VWA2: variants seen among roughly 807,000 people sequenced by gnomAD.
The protein encoded by VWA2 is von Willebrand factor A domain-containing protein 2.
VWA2 carries 73 observed loss-of-function variants against 70.4 expected under a neutral mutation model. That is an observed-to-expected ratio of 1.04 (90% CI 0.86 to 1.26). The LOEUF is 1.26. Among genes scored for constraint, VWA2 ranks in the 50% most tolerant of loss-of-function variants. The probability of loss-of-function intolerance (pLI) is 0.00; values close to 1 mark genes in which losing one functional copy is unlikely to be tolerated. For synonymous variants in VWA2, 407 were observed against 423.3 expected, an observed-to-expected ratio of 0.96 and a Z score of 0.47; for missense variants, 1,011 against 998.5, an observed-to-expected ratio of 1.01 and a Z score of -0.17.
chr10:114,274,428 G>C (rs1216383233), intron 6 of VWA2, among the ~76,000 whole-genome samples: 1 of 152,170 alleles, frequency 6.6e-6, no homozygotes, highest in Admixed American at 6.5e-5. Context: ...AAGAGATCAT[G>C]GTGGCTCCTA....
At chr10:114,261,635 T>C (rs944223442) in intron 5 of VWA2, among the ~76,000 whole-genome samples, 1 of 152,212 alleles carries the variant, frequency 6.6e-6, no homozygotes, top group African/African-American at 2.4e-5. Context: ...TTTCTGTCCC[T>C]TGTGACCACT....
intron 11 of VWA2, 39 bp downstream of exon 11, chr10:114,286,550 G>A (rs746102359): frequency 2.0e-6 from 3 of 1,493,822 alleles, no homozygotes; most frequent in Non-Finnish European, 2.7e-6. Flanking sequence ...GCTGGTCAGT[G>A]GGCGGGTCCT....
In VWA2 at chr10:114,259,472, GT is replaced by G. The variant is rs1300436501; in HGVS notation, c.262-1702del. On this transcript the variant is annotated intron_variant, in intron 4 of 13. Coordinates refer to ENST00000392982, the MANE Select transcript of VWA2 (RefSeq NM_001272046.2). ...AGGTATGTTTCGTCCCACAGAAGTTGTTTTTTTTTTTTCATGTGGTCACATT... is the reference window on the plus strand; with the variant it reads ...AGGTATGTTTCGTCCCACAGAAGTTGTTTTTTTTTTTCATGTGGTCACATT... Among the ~76,000 whole-genome samples, 559 of 132,936 alleles carry G rather than the reference GT, an allele frequency of 4.2e-3. 2 individuals are homozygous for G. The highest frequency in any genetic ancestry group is 6.5e-3 in the Non-Finnish European group (396 of 60,706). 87.2% of individuals were successfully genotyped at this position (132,936 alleles called of 152,430 possible).
At chr10:114,276,302 C>T (rs1449639030) in intron 6 of VWA2, among the ~76,000 whole-genome samples, 1 of 152,178 alleles carries the variant, frequency 6.6e-6, no homozygotes, top group South Asian at 2.1e-4. Flanking sequence ...GCAGTATCTT[C>T]GTCACCTGGG....
At chr10:114,255,205 G>A (rs2037298550) in intron 4 of VWA2, among the ~76,000 whole-genome samples, 157 bp downstream of exon 4, 1 of 151,734 alleles carries the variant, frequency 6.6e-6, no homozygotes, top group East Asian at 1.9e-4. Flanking sequence ...CAAGGGCTGA[G>A]TTGAGGCTAT....
Position 114,254,926 on chromosome 10 carries a change from T to A in VWA2, c.139T>A (p.Ser47Thr). The A allele has an allele frequency of 6.2e-7, 1 of 1,613,346 alleles. No individual in the cohort carries two copies. The highest frequency in any genetic ancestry group is 1.1e-5 in the South Asian group (1 of 91,066). Residue 47 changes from serine (S) to threonine (T), a missense_variant, in exon 4 of 14, where the codon TCG becomes ACG. Physicochemically the swap from Ser to Thr is moderately conservative, Grantham distance 58. Coordinates refer to ENST00000392982, the MANE Select transcript of VWA2 (RefSeq NM_001272046.2). ...ISAASKMMWC[S>T]AAVDIMFLLD... ...CCCGCTCTCCCTAGTGATGTGGTGC[T>A]CGGCTGCAGTGGACATCATGTTTCT...
rs2039786692 is a variant in VWA2 at position 114,293,472 on chromosome 10, C to T, written c.*2235C>T. On this transcript the variant is annotated 3_prime_UTR_variant, in exon 14 of 14. Transcript: ENST00000392982. ...CTGTTTCTTTGTAGGAAATGGGTTT[C>T]TCGCCTTTGAAACATTTTTTCCCCT... 6.6e-6 allele frequency among the ~76,000 whole-genome samples: 1 copy of T among 152,162 alleles called. No homozygotes were observed. Among genetic ancestry groups the T allele is most frequent in the Admixed American group, 6.5e-5 (1 of 15,280 alleles).
rs1452696259 is a variant in VWA2 at position 114,260,750 on chromosome 10, A to G, written c.262-436A>G. 2.6e-5 allele frequency among the ~76,000 whole-genome samples: 4 copies of G among 152,222 alleles called. No homozygotes were observed. In the East Asian group the frequency reaches 7.7e-4, roughly 29 times the overall value. ...CTTGGGCCAGAGGTATATATTCTCC[A>G]TATTGGGGTTTCTCCAACCATAATG... On this transcript the variant is annotated intron_variant, in intron 4 of 13. Transcript: ENST00000392982.
At chr10:114,247,907 C>A (rs1402768348) in intron 1 of VWA2, among the ~76,000 whole-genome samples, 1 of 151,966 alleles carries the variant, frequency 6.6e-6, no homozygotes, top group African/African-American at 2.4e-5. Context: ...GTGGCTCCTG[C>A]ATGGGTGGTG....
rs2039702768 is a variant in VWA2 at position 114,292,600 on chromosome 10, A to G, written c.*1363A>G. Reference sequence around the variant, plus strand: ...TGGCAAACTAGATACTTACTTCCCTATCGCTGCAGTATTTAGGAATTACTT... The same window carrying G: ...TGGCAAACTAGATACTTACTTCCCTGTCGCTGCAGTATTTAGGAATTACTT... On this transcript the variant is annotated 3_prime_UTR_variant, in exon 14 of 14. Coordinates refer to ENST00000392982, the MANE Select transcript of VWA2 (RefSeq NM_001272046.2). Among the ~76,000 whole-genome samples, 1 of 150,706 alleles carries G rather than the reference A, an allele frequency of 6.6e-6. No individual in the cohort carries two copies. Among genetic ancestry groups the G allele is most frequent in the Non-Finnish European group, 1.5e-5 (1 of 67,850 alleles).
chr10:114,282,251 A>G (rs975511936), intron 8 of VWA2, among the ~76,000 whole-genome samples: 1 of 151,932 alleles, frequency 6.6e-6, no homozygotes, highest in Non-Finnish European at 1.5e-5. Context: ...TGATTTGCCT[A>G]CCTTGGCCTC....
At chr10:114,245,638 GTCTT>G (rs2037052717) in intron 1 of VWA2, among the ~76,000 whole-genome samples, 1 of 152,182 alleles carries the variant, frequency 6.6e-6, no homozygotes, top group Non-Finnish European at 1.5e-5. Context: ...GGGAAAATGA[GTCTT>G]TCTTGCTGGC....
chr10:114,242,926 A>T (rs1295055889), intron 1 of VWA2, among the ~76,000 whole-genome samples: 1 of 152,160 alleles, frequency 6.6e-6, no homozygotes, highest in Non-Finnish European at 1.5e-5. Context: ...TATGAAACAG[A>T]TTCTCCCCAT....
intron 4 of VWA2, among the ~76,000 whole-genome samples, chr10:114,260,692 T>C (rs986662165): frequency 2.6e-5 from 4 of 152,208 alleles, no homozygotes; most frequent in African/African-American, 9.7e-5. Flanking sequence ...CCTGGCTGCC[T>C]TTCTTACTAG....
intron 4 of VWA2, among the ~76,000 whole-genome samples, chr10:114,256,487 C>T (rs1444635680): frequency 1.3e-5 from 2 of 151,968 alleles, no homozygotes; most frequent in Non-Finnish European, 2.9e-5. Flanking sequence ...AGGCTGAGGA[C>T]AGTGGTTTTC....
At chr10:114,278,171 G>C (rs1396309505) in intron 7 of VWA2, 124 bp downstream of exon 7, 1 of 1,355,810 alleles carries the variant, frequency 7.4e-7, no homozygotes, top group East Asian at 2.5e-5. Context: ...AACAGAGACC[G>C]GCAGCCTCCA....
rs1478800010 is a variant in VWA2, at chr10:114,239,384, T to C, written c.-196T>C. The C allele has an allele frequency of 6.6e-6, 1 of 152,224 alleles. No individual in the cohort carries two copies. Among genetic ancestry groups the C allele is most frequent in the Non-Finnish European group, 1.5e-5 (1 of 68,046 alleles). The allele number at this position is 152,224 out of a possible 1,614,324, so 9.4% of individuals were successfully genotyped here. On this transcript the variant is annotated 5_prime_UTR_variant, in exon 1 of 14. Coordinates refer to ENST00000392982, the MANE Select transcript of VWA2 (RefSeq NM_001272046.2). ...GCTCTATGCACCTCCCTGGCGGTAG[T>C]TCCTCCGACCTCAGCCGGGTCGGGT...
At chr10:114,243,777 T>A (rs1245261200) in intron 1 of VWA2, among the ~76,000 whole-genome samples, 1 of 152,240 alleles carries the variant, frequency 6.6e-6, no homozygotes, top group African/African-American at 2.4e-5. Context: ...TATTTCTTCC[T>A]GTGTCACGGA....
chr10:114,249,593 G>A (rs950333168), intron 2 of VWA2, among the ~76,000 whole-genome samples: 2 of 152,112 alleles, frequency 1.3e-5, no homozygotes, highest in African/African-American at 2.4e-5. Flanking sequence ...TGCGGTGTTT[G>A]GTTTTCTGTT....
Sources: allele counts gnomAD v4.1 joint callset (sites outside exome capture counted in the v4.1 genomes callset), GRCh38; gene constraint gnomAD v4.1.1; transcripts MANE v1.5; gene names NCBI Gene and HGNC (gene_info 2026-07-23, HGNC 2026-07-21).